Variants in PLPPR5 observed in about 807,000 individuals in gnomAD.
PLPPR5 encodes phospholipid phosphatase-related protein type 5.
In PLPPR5, 16 loss-of-function variants were observed where a neutral mutation model predicts 33.9. The ratio of observed to expected loss-of-function variants is 0.47; its 90% CI spans 0.32 to 0.72. The LOEUF (loss-of-function observed/expected upper bound fraction) is 0.72. PLPPR5 is among the 30% of genes least tolerant of loss of function. PLPPR5 has a pLI of 0.03. For missense variants in PLPPR5, 301 were observed against 406.7 expected (o/e 0.74, Z 2.23); for synonymous variants, 163 against 150.3 (o/e 1.08, Z -0.62).
rs1461859164 is a variant in PLPPR5, at chr1:98,914,819, T to C, written c.900A>G (p.Val300=). The change falls in exon 5 of 6, where the codon GTA becomes GTG. Residue 300 remains valine, a synonymous_variant. Transcript: ENST00000263177. ...AQMPMISIPR[V]ESPLEKVTSV... is the part of the protein sequence containing the mutation. The stretch of plus-strand genomic sequence containing the variant: ...ATGTTACCTTTTCCAAAGGACTTTC[T>C]ACTCGAGGAATGCTGATCATTGGCA... The C allele has an allele frequency of 1.9e-6, 3 of 1,613,250 alleles. No individual in the cohort carries two copies. The highest frequency in any genetic ancestry group is 3.3e-5 in the Admixed American group (2 of 59,962).
intron 5 of PLPPR5, among the ~76,000 whole-genome samples, chr1:98,894,276 G>C (rs894886117): frequency 1.3e-5 from 2 of 152,052 alleles, no homozygotes; most frequent in Non-Finnish European, 2.9e-5. Flanking sequence ...AAAATGTCTG[G>C]AAATTCAGTA....
intron 1 of PLPPR5, among the ~76,000 whole-genome samples, chr1:99,003,346 C>T (rs1468856489): frequency 6.6e-6 from 1 of 151,614 alleles, no homozygotes; most frequent in Non-Finnish European, 1.5e-5. Flanking sequence ...ACATTCTTAA[C>T]ATTCAATTTA....
chr1:98,958,331 G>C (rs1259309634), intron 1 of PLPPR5, among the ~76,000 whole-genome samples: 2 of 152,110 alleles, frequency 1.3e-5, no homozygotes, highest in Admixed American at 6.6e-5. Context: ...TTTTACCCCA[G>C]TGTGAATAAA....
chr1:98,960,298 G>A lies in PLPPR5; in HGVS notation c.238-3557C>T, dbSNP rs7530278. ...GGCTCACTGCAACCTCCTCCTTCCA[G>A]GTTCAAGCAATTCTCCTGTCTCAGC... On this transcript the variant is annotated intron_variant, in intron 1 of 5. Coordinates refer to ENST00000263177, the MANE Select transcript of PLPPR5 (RefSeq NM_001037317.2). Among the ~76,000 whole-genome samples the A allele has an allele frequency of 4.7e-3, 717 of 152,110 alleles. 5 individuals carry two copies. The highest frequency in any genetic ancestry group is 0.016 in the African/African-American group (660 of 41,494).
At position 98,938,569 on chromosome 1, in the gene PLPPR5, A is replaced by G. The variant is rs558030355; in HGVS notation, c.621+14501T>C. Reference sequence around the variant, plus strand: ...ATAAATATATTTATTTAAATTACTTATTATATATTCAAAGTAATATATATC... The same window carrying G: ...ATAAATATATTTATTTAAATTACTTGTTATATATTCAAAGTAATATATATC... On this transcript the variant is annotated intron_variant, in intron 3 of 5. Coordinates refer to ENST00000263177, the MANE Select transcript of PLPPR5 (RefSeq NM_001037317.2). Among the ~76,000 whole-genome samples, 250 of 149,210 alleles carry G rather than the reference A, an allele frequency of 1.7e-3. 1 individual carries two copies. Among genetic ancestry groups the G allele is most frequent in the Admixed American group, 2.6e-3 (39 of 14,886 alleles).
intron 3 of PLPPR5, among the ~76,000 whole-genome samples, chr1:98,922,757 G>A (rs778400310): frequency 3.9e-5 from 6 of 152,050 alleles, no homozygotes; most frequent in African/African-American, 9.7e-5. Context: ...AGGCCGAGGC[G>A]GGCAGATAAT....
intron 1 of PLPPR5, among the ~76,000 whole-genome samples, chr1:98,986,705 G>A (rs377529615): frequency 1.3e-5 from 2 of 151,802 alleles, no homozygotes; most frequent in Non-Finnish European, 3.0e-5. Flanking sequence ...GATAAAGCTG[G>A]CTAAAATTAG....
At chr1:98,912,271 A>T (rs1649179797) in intron 5 of PLPPR5, among the ~76,000 whole-genome samples, 1 of 152,192 alleles carries the variant, frequency 6.6e-6, no homozygotes, top group Non-Finnish European at 1.5e-5. Flanking sequence ...TTAACTGTAA[A>T]ATGGGAATAT....
At chr1:98,995,145 A>G (rs1382353919) in intron 1 of PLPPR5, among the ~76,000 whole-genome samples, 1 of 152,166 alleles carries the variant, frequency 6.6e-6, no homozygotes, top group African/African-American at 2.4e-5. Context: ...CAGCAATCCC[A>G]TTGTTGGATA....
At chr1:98,980,327 A>G (rs566903936) in intron 1 of PLPPR5, among the ~76,000 whole-genome samples, 1 of 152,162 alleles carries the variant, frequency 6.6e-6, no homozygotes, top group South Asian at 2.1e-4. Flanking sequence ...AACTCCTTTA[A>G]GTTCTCTCTC....
intron 3 of PLPPR5, among the ~76,000 whole-genome samples, chr1:98,931,483 C>T (rs1329462): frequency 0.49 from 74,384 of 151,956 alleles, 19,325 homozygotes; most frequent in East Asian, 0.76. Flanking sequence ...GGGATTCAAA[C>T]TCAAGCAGTT....
rs1322071243 is a variant in PLPPR5 at position 98,925,180 on chromosome 1, A to C, written c.622-3122T>G. Among the ~76,000 whole-genome samples, 8 of 152,240 alleles carry C rather than the reference A, an allele frequency of 5.3e-5. No homozygotes were observed. In the East Asian group the frequency reaches 1.5e-3, roughly 29 times the overall value. ...TTAAGCATGTTGGATACAGAACAGGAATTGATTATTTATGCTCTCTTGGTT... is the reference window on the plus strand; with the variant it reads ...TTAAGCATGTTGGATACAGAACAGGCATTGATTATTTATGCTCTCTTGGTT... On this transcript the variant is annotated intron_variant, in intron 3 of 5. Transcript: ENST00000263177.
At position 98,890,596 on chromosome 1, in the gene PLPPR5, T is replaced by C. The variant is rs533427865; in HGVS notation, c.*2476A>G. ...AGTAAGTAGAATAAAAAGGAGATGT[T>C]TTTATCAGAAAGATATGTGTTTGCC... On this transcript the variant is annotated 3_prime_UTR_variant, in exon 6 of 6. Transcript: ENST00000263177. The C allele has an allele frequency of 3.9e-5, 6 of 152,676 alleles. No individual in the cohort carries two copies. In the East Asian group the frequency reaches 1.2e-3, roughly 29 times the overall value. The allele number at this position is 152,676 out of a possible 1,614,324, so 9.5% of individuals were successfully genotyped here.
At chr1:98,950,335 AAGTT>A (rs1186259712) in intron 3 of PLPPR5, among the ~76,000 whole-genome samples, 1 of 152,240 alleles carries the variant, frequency 6.6e-6, no homozygotes, top group Non-Finnish European at 1.5e-5. Flanking sequence ...AGTATTAACT[AAGTT>A]AGTAAAAGTG....
intron 1 of PLPPR5, among the ~76,000 whole-genome samples, chr1:98,982,553 C>T (rs551104310): frequency 2.6e-5 from 4 of 152,174 alleles, no homozygotes; most frequent in South Asian, 2.1e-4. Flanking sequence ...CTGCTTTCTT[C>T]GGCCCTTTTC....
chr1:98,955,771 G>C (rs1471863956), intron 2 of PLPPR5, among the ~76,000 whole-genome samples: 1 of 152,034 alleles, frequency 6.6e-6, no homozygotes, highest in Non-Finnish European at 1.5e-5. Context: ...ATGTTGAAGA[G>C]TTACATTATC....
intron 5 of PLPPR5, among the ~76,000 whole-genome samples, chr1:98,894,764 A>C (rs1440920047): frequency 1.3e-5 from 2 of 152,066 alleles, no homozygotes; most frequent in African/African-American, 4.8e-5. Context: ...AATTTGCTGA[A>C]GATGATCTTA....
chr1:98,918,839 C>A (rs928307420), intron 4 of PLPPR5, among the ~76,000 whole-genome samples: 5 of 152,166 alleles, frequency 3.3e-5, no homozygotes, highest in Admixed American at 6.5e-5. Flanking sequence ...ATAAAAAATT[C>A]TTTAATCATT....
intron 5 of PLPPR5, among the ~76,000 whole-genome samples, chr1:98,909,270 C>A (rs866902468): frequency 7.5e-6 from 1 of 133,626 alleles, no homozygotes; most frequent in Non-Finnish European, 1.6e-5. Flanking sequence ...CCCTCCCTCC[C>A]TTCCCCTCCC....
Sources: allele counts gnomAD v4.1 joint callset (sites outside exome capture counted in the v4.1 genomes callset), GRCh38; gene constraint gnomAD v4.1.1; transcripts MANE v1.5; gene names NCBI Gene and HGNC (gene_info 2026-07-23, HGNC 2026-07-21).